Variants in PTGIS observed in about 807,000 individuals in gnomAD.
PTGIS encodes the protein prostacyclin synthase.
A neutral mutation model predicts 50.3 loss-of-function variants in PTGIS; 45 were observed. The ratio of observed to expected loss-of-function variants is 0.90; its 90% CI spans 0.70 to 1.15. PTGIS has a LOEUF of 1.15. PTGIS is among the 50% of genes most tolerant of loss of function. The pLI is 0.00. For synonymous variants in PTGIS, 260 were observed against 267.7 expected (o/e 0.97, Z 0.28); for missense variants, 668 against 661.3 (o/e 1.01, Z -0.11).
Position 49,539,979 on chromosome 20 carries a change from C to A in PTGIS, c.522-258G>T, listed in dbSNP as rs79900293. Among the ~76,000 whole-genome samples, 1,215 of 152,264 alleles carry A rather than the reference C, an allele frequency of 8.0e-3. 14 individuals are homozygous for A. The highest frequency in any genetic ancestry group is 0.028 in the African/African-American group (1,167 of 41,564). The stretch of plus-strand genomic sequence containing the variant: ...GAATAATGCGCCAGCTGGTGCCCCG[C>A]GGCACTGTCAGACACAAAGCTGGGT... On this transcript the variant is annotated intron_variant, in intron 4 of 9. Coordinates refer to ENST00000244043, the MANE Select transcript of PTGIS (RefSeq NM_000961.4).
intron 3 of PTGIS, among the ~76,000 whole-genome samples, chr20:49,546,086 C>G (rs117278703): frequency 8.1e-4 from 124 of 152,252 alleles, no homozygotes; most frequent in Non-Finnish European, 1.2e-3. Flanking sequence ...TGTAAGTGCT[C>G]AATACATGGG....
At chr20:49,565,644 A>G (rs1982879143) in intron 1 of PTGIS, among the ~76,000 whole-genome samples, 1 of 152,208 alleles carries the variant, frequency 6.6e-6, no homozygotes, top group African/African-American at 2.4e-5. Flanking sequence ...AGCCTGGGCC[A>G]CAGTGTGAGA....
At chr20:49,522,224 G>A (rs1423608688) in intron 6 of PTGIS, among the ~76,000 whole-genome samples, 1 of 152,010 alleles carries the variant, frequency 6.6e-6, no homozygotes, top group East Asian at 1.9e-4. Flanking sequence ...TCCCTTATTT[G>A]GAATCTTCTA....
intron 4 of PTGIS, among the ~76,000 whole-genome samples, chr20:49,542,603 G>A (rs1019678353): frequency 6.6e-6 from 1 of 152,196 alleles, no homozygotes; most frequent in East Asian, 1.9e-4. Flanking sequence ...GGAGACCTGG[G>A]AGGATCACTA....
intron 9 of PTGIS, among the ~76,000 whole-genome samples, chr20:49,510,342 C>T (rs35193371): frequency 0.27 from 40,360 of 152,030 alleles, 5,502 homozygotes; most frequent in Middle Eastern, 0.35. Context: ...ATGATATTAA[C>T]AATTATGGTA....
intron 1 of PTGIS, among the ~76,000 whole-genome samples, chr20:49,557,451 G>C (rs1250674342): frequency 1.3e-5 from 2 of 151,822 alleles, no homozygotes; most frequent in Non-Finnish European, 2.9e-5. Context: ...AATTAGCCCA[G>C]CATGGTAGCA....
At chr20:49,515,416 A>C (rs1981450216) in intron 6 of PTGIS, among the ~76,000 whole-genome samples, 1 of 152,242 alleles carries the variant, frequency 6.6e-6, no homozygotes, top group African/African-American at 2.4e-5. Context: ...TATGTGGCTA[A>C]AATGTGTATA....
At chr20:49,533,117 T>C (rs1601190092) in intron 5 of PTGIS, among the ~76,000 whole-genome samples, 1 of 152,126 alleles carries the variant, frequency 6.6e-6, no homozygotes, top group East Asian at 1.9e-4. Flanking sequence ...CTCAGTCTCC[T>C]CATCCAAAAA....
chr20:49,548,264 T>C lies in PTGIS; in HGVS notation c.199-245A>G, dbSNP rs2122887813. Among the ~76,000 whole-genome samples the C allele has an allele frequency of 1.3e-5, 2 of 152,318 alleles. 1 individual carries two copies. ...TGCCCAAGATCTCATAGCTGAGAAG[T>C]GGCAGGACTAGGACTGGAATTTGGG... is the stretch of plus-strand genomic sequence containing the variant. On this transcript the variant is annotated intron_variant, in intron 2 of 9. Coordinates refer to ENST00000244043, the MANE Select transcript of PTGIS (RefSeq NM_000961.4).
intron 1 of PTGIS, among the ~76,000 whole-genome samples, chr20:49,554,587 A>C (rs1982580714): frequency 6.6e-6 from 1 of 152,198 alleles, no homozygotes; most frequent in Non-Finnish European, 1.5e-5. Context: ...TTTGTGAGAC[A>C]TGGAGCCAGA....
chr20:49,534,472 C>T (rs1478365730), intron 5 of PTGIS, among the ~76,000 whole-genome samples: 1 of 151,998 alleles, frequency 6.6e-6, no homozygotes, highest in Non-Finnish European at 1.5e-5. Flanking sequence ...CCCAGGGCTG[C>T]TCCCAGAGTG....
At chr20:49,515,478 T>C (rs1384584778) in intron 6 of PTGIS, among the ~76,000 whole-genome samples, 1 of 152,186 alleles carries the variant, frequency 6.6e-6, no homozygotes, top group Admixed American at 6.5e-5. Flanking sequence ...AATCTCAATT[T>C]GGGGGAAGGT....
chr20:49,565,967 C>T (rs978447609), intron 1 of PTGIS, among the ~76,000 whole-genome samples: 1 of 152,216 alleles, frequency 6.6e-6, no homozygotes, highest in Admixed American at 6.5e-5. Context: ...CGGTGACTCA[C>T]GCCTGTAATC....
chr20:49,558,101 A>C (rs1463539997), intron 1 of PTGIS, among the ~76,000 whole-genome samples: 1 of 152,188 alleles, frequency 6.6e-6, no homozygotes, highest in African/African-American at 2.4e-5. Context: ...TAAAAAAGGA[A>C]AATAAGGCTG....
intron 5 of PTGIS, among the ~76,000 whole-genome samples, chr20:49,526,288 G>A (rs548087741): frequency 6.6e-6 from 1 of 152,268 alleles, no homozygotes; most frequent in South Asian, 2.1e-4. Flanking sequence ...CTGATGGGAT[G>A]GCTAAAAAAA....
intron 8 of PTGIS, 42 bp downstream of exon 8, chr20:49,513,038 T>A (rs1355742464): frequency 1.9e-6 from 3 of 1,610,282 alleles, no homozygotes; most frequent in South Asian, 2.2e-5. Context: ...CACTGATTGT[T>A]CTCCCACAGA....
At chr20:49,519,351 G>A (rs1477204451) in intron 6 of PTGIS, among the ~76,000 whole-genome samples, 1 of 152,092 alleles carries the variant, frequency 6.6e-6, no homozygotes, top group Admixed American at 6.5e-5. Flanking sequence ...GCTTGGCCCA[G>A]GGTAAGTGCT....
chr20:49,550,173 G>A lies in PTGIS; in HGVS notation c.91C>T (p.Pro31Ser), dbSNP rs1359889386. 6.2e-6 allele frequency: 10 copies of A among 1,613,232 alleles called. No homozygotes were observed. Among genetic ancestry groups the A allele is most frequent in the Admixed American group, 5.0e-5 (3 of 60,010 alleles). Residue 31 changes from proline (P) to serine (S), a missense_variant, in exon 2 of 10, where the codon CCC becomes TCC. By Grantham distance (74) the Pro-to-Ser change is moderately conservative. Transcript: ENST00000244043. ...RRRTRRPGEP[P>S]LDLGSIPWLG... ...CAGGGGATGCTGCCCAGGTCCAGGG[G>A]AGGCTCACCAGGTCGCCTACAGAAG... is the stretch of plus-strand genomic sequence containing the variant.
At chr20:49,551,369 G>A (rs190570838) in intron 1 of PTGIS, among the ~76,000 whole-genome samples, 1 of 152,212 alleles carries the variant, frequency 6.6e-6, no homozygotes, top group African/African-American at 2.4e-5. Context: ...GCTACCTGGA[G>A]GCTTCATCTG....
Sources: gnomAD v4.1 joint callset for allele counts (sites outside exome capture counted in the v4.1 genomes callset) on GRCh38, gnomAD v4.1.1 for gene constraint, MANE v1.5 for transcripts, NCBI Gene and HGNC (gene_info 2026-07-23, HGNC 2026-07-21) for gene names.